Variants in RNF130 observed in about 807,000 individuals in gnomAD.
The protein encoded by RNF130 is ring finger protein 130.
In RNF130, 21 loss-of-function variants were observed where a neutral mutation model predicts 44.6. The observed-to-expected ratio is 0.47, with a 90% confidence interval of 0.33 to 0.68. RNF130 has a LOEUF of 0.68. Among genes scored for constraint, RNF130 ranks in the 30% least tolerant of loss-of-function variants. The probability of loss-of-function intolerance (pLI) is 0.02; values close to 1 mark genes in which losing one functional copy is unlikely to be tolerated. For missense variants in RNF130, 479 were observed against 560.6 expected (o/e 0.85, Z 1.47); for synonymous variants, 214 against 210.4 (o/e 1.02, Z -0.15).
At chr5:179,954,729 C>A (rs1199515683), downstream of RNF130, among the ~76,000 whole-genome samples, 1 of 152,148 alleles carries the variant, frequency 6.6e-6, no homozygotes, top group Non-Finnish European at 1.5e-5. Flanking sequence ...ATTTTGATTG[C>A]AAAAATCCTT....
downstream of RNF130, among the ~76,000 whole-genome samples, chr5:179,951,583 C>T (rs979109591): frequency 6.6e-6 from 1 of 152,074 alleles, no homozygotes; most frequent in Non-Finnish European, 1.5e-5. Context: ...CGGGGTTTCA[C>T]CGTGTTGGCC....
At chr5:180,005,575 T>C (rs1205755156) in intron 3 of RNF130, among the ~76,000 whole-genome samples, 2 of 152,218 alleles carry the variant, frequency 1.3e-5, no homozygotes, top group Non-Finnish European at 1.5e-5. Context: ...CTGCCCACTA[T>C]TCCTGATGTT....
At chr5:179,942,185 T>TACTTGGGAGGCTGAGGCA (rs1554100430) in intron 7 of RNF130, among the ~76,000 whole-genome samples, 45 of 147,176 alleles carry the variant, frequency 3.1e-4, no homozygotes, top group Admixed American at 4.9e-4. Context: ...AAGAGGGCAC[T>TACTTGGGAGGCTGAGGCA]GGCACCAAGA....
chr5:179,920,367 A>C, exon 8 of RNF130: 1 of 702,588 alleles, frequency 1.4e-6, no homozygotes, highest in South Asian at 1.5e-5. Flanking sequence ...ATGGTGGAGA[A>C]TTCACTTTCA....
At chr5:179,951,710 G>T (rs1762129379), downstream of RNF130, among the ~76,000 whole-genome samples, 1 of 152,116 alleles carries the variant, frequency 6.6e-6, no homozygotes, top group African/African-American at 2.4e-5. Flanking sequence ...ATCATACAAA[G>T]TATGTTCTCC....
intron 2 of RNF130, among the ~76,000 whole-genome samples, chr5:180,027,260 G>A (rs1764013088): frequency 6.6e-6 from 1 of 152,142 alleles, no homozygotes; most frequent in East Asian, 1.9e-4. Context: ...TGACACCAGG[G>A]TTCTTGAATT....
intron 1 of RNF130, among the ~76,000 whole-genome samples, chr5:180,065,642 C>T (rs960740083): frequency 1.3e-5 from 2 of 152,004 alleles, no homozygotes; most frequent in African/African-American, 4.8e-5. Context: ...CACCTGTAAT[C>T]CCAGCTACTC....
At chr5:179,930,421 TTAC>T (rs1194180066) in intron 7 of RNF130, among the ~76,000 whole-genome samples, 2 of 152,216 alleles carry the variant, frequency 1.3e-5, no homozygotes, top group Non-Finnish European at 2.9e-5. Context: ...TTAAATTTAC[TTAC>T]TCATTTTAAG....
chr5:179,976,687 TTTGA>T (rs1282675253), intron 5 of RNF130: 2 of 150,246 alleles, frequency 1.3e-5, no homozygotes, highest in Non-Finnish European at 3.0e-5. Context: ...TCTTCTTCAG[TTTGA>T]TTTTTTTTTT....
intron 1 of RNF130, among the ~76,000 whole-genome samples, chr5:180,057,341 G>A (rs1554107511): frequency 3.3e-5 from 5 of 152,220 alleles, no homozygotes; most frequent in Admixed American, 6.5e-5. Context: ...CCGAGGTCAG[G>A]AGTTTGAGAC....
chr5:179,960,486 G>C (rs1413263333), intron 8 of RNF130, among the ~76,000 whole-genome samples: 3 of 152,252 alleles, frequency 2.0e-5, no homozygotes. Context: ...ACCGAGCGTG[G>C]TGAGGAAGGG....
chr5:180,018,305 A>C (rs1166027073), intron 2 of RNF130, among the ~76,000 whole-genome samples: 1 of 151,826 alleles, frequency 6.6e-6, no homozygotes, highest in African/African-American at 2.4e-5. Flanking sequence ...AAAAAAAAAA[A>C]AAAGAAAAGA....
intron 2 of RNF130, among the ~76,000 whole-genome samples, chr5:180,037,863 C>T (rs1764283918): frequency 6.6e-6 from 1 of 152,094 alleles, no homozygotes; most frequent in African/African-American, 2.4e-5. Flanking sequence ...AACATAAAGC[C>T]GTTTCCTATT....
chr5:179,938,534 CACTT>C (rs1434393092), intron 7 of RNF130, among the ~76,000 whole-genome samples: 4 of 152,066 alleles, frequency 2.6e-5, no homozygotes, highest in Non-Finnish European at 5.9e-5. Flanking sequence ...CTAAATTGTT[CACTT>C]ACTTATTCAT....
chr5:179,984,430 T>C (rs1762909130), intron 3 of RNF130, among the ~76,000 whole-genome samples: 2 of 152,208 alleles, frequency 1.3e-5, no homozygotes, highest in Non-Finnish European at 2.9e-5. Context: ...ATAGATGCCC[T>C]AATAGTTTGA....
intron 3 of RNF130, among the ~76,000 whole-genome samples, chr5:179,986,749 T>G (rs1467995055): frequency 1.3e-5 from 2 of 152,248 alleles, no homozygotes; most frequent in Non-Finnish European, 2.9e-5. Flanking sequence ...TGGATTTTTG[T>G]ATATTTTATG....
chr5:179,946,720 AT>A (rs1306283366), intron 7 of RNF130, among the ~76,000 whole-genome samples: 8 of 151,830 alleles, frequency 5.3e-5, no homozygotes, highest in South Asian at 2.1e-4. Context: ...CGCCCGGCTA[AT>A]TTTTTTGTAT....
intron 1 of RNF130, among the ~76,000 whole-genome samples, chr5:180,063,390 G>C (rs1765030568): frequency 6.6e-6 from 1 of 152,222 alleles, no homozygotes. Context: ...GTCCTAATTT[G>C]TGTAAATAAC....
chr5:179,946,857 T>C (rs1469695368), intron 7 of RNF130, among the ~76,000 whole-genome samples: 2 of 152,142 alleles, frequency 1.3e-5, no homozygotes, highest in African/African-American at 4.8e-5. Context: ...CCCAGCACCA[T>C]AGGGGATCTT....
Sources: allele counts gnomAD v4.1 joint callset (sites outside exome capture counted in the v4.1 genomes callset), GRCh38; gene constraint gnomAD v4.1.1; transcripts MANE v1.5; gene names NCBI Gene and HGNC (gene_info 2026-07-23, HGNC 2026-07-21).